ISM1: variants seen among roughly 807,000 people sequenced by gnomAD.
ISM1 encodes isthmin 1.
ISM1 carries 25 observed loss-of-function variants against 46.3 expected under a neutral mutation model. That is an observed-to-expected ratio of 0.54 (90% CI 0.39 to 0.75). The LOEUF (loss-of-function observed/expected upper bound fraction) is 0.75, where lower values mean the gene tolerates loss of function less well. Among genes scored for constraint, ISM1 ranks in the 30% least tolerant of loss-of-function variants. The pLI, the probability that ISM1 is intolerant of heterozygous loss-of-function variation, is 0.00. For missense variants in ISM1, 536 were observed against 625.4 expected, an observed-to-expected ratio of 0.86 and a Z score of 1.52; for synonymous variants, 255 against 256.7, an observed-to-expected ratio of 0.99 and a Z score of 0.06.
chr20:13,228,641 G>A (rs574789738), intron 1 of ISM1, among the ~76,000 whole-genome samples: 11 of 152,120 alleles, frequency 7.2e-5, no homozygotes, highest in African/African-American at 2.4e-4. Context: ...TTAGCTGTTA[G>A]TCCTGTTCAG....
chr20:13,263,772 G>A (rs1040798016), intron 1 of ISM1, among the ~76,000 whole-genome samples: 16 of 152,192 alleles, frequency 1.1e-4, no homozygotes, highest in Admixed American at 8.5e-4. Flanking sequence ...AAGCATTGTC[G>A]ATAATAATAT....
In ISM1 at chr20:13,285,158, G is replaced by A. The variant is rs529838380; in HGVS notation, c.644-3382G>A. On this transcript the variant is annotated intron_variant, in intron 3 of 5. Coordinates refer to ENST00000262487, the MANE Select transcript of ISM1 (RefSeq NM_080826.2). ...TTGAAAACTTTGGCCAGGCATGTTG[G>A]CACATGCCTGTAGTCCCAGCTACTC... Among the ~76,000 whole-genome samples, 114 of 152,230 alleles carry A rather than the reference G, an allele frequency of 7.5e-4. 2 individuals carry two copies. The highest frequency in any genetic ancestry group is 8.8e-5 in the Non-Finnish European group (6 of 68,020).
chr20:13,311,264 G>C, the ISM1 span, among the ~76,000 whole-genome samples: 1 of 123,304 alleles, frequency 8.1e-6, no homozygotes, highest in Non-Finnish European at 1.8e-5. Flanking sequence ...TAGATAGATA[G>C]ATAGATAGAT....
At chr20:13,310,746 T>C in the ISM1 span, among the ~76,000 whole-genome samples, 3 of 152,152 alleles carry the variant, frequency 2.0e-5, no homozygotes, top group Admixed American at 6.5e-5. Flanking sequence ...GATTAAAAAG[T>C]GAGCAAAGGA....
intron 5 of ISM1, among the ~76,000 whole-genome samples, chr20:13,293,022 C>T (rs901470482): frequency 6.6e-6 from 1 of 151,660 alleles, no homozygotes; most frequent in Non-Finnish European, 1.5e-5. Context: ...TGGTGAAACC[C>T]CCCCGTCTCT....
chr20:13,231,837 A>G (rs575430954), intron 1 of ISM1, among the ~76,000 whole-genome samples: 57 of 152,320 alleles, frequency 3.7e-4, no homozygotes, highest in Middle Eastern at 3.4e-3. Flanking sequence ...GAGTACCCCA[A>G]TCACCAAATA....
chr20:13,298,701 T>C (rs889973041), intron 5 of ISM1, among the ~76,000 whole-genome samples: 2 of 152,194 alleles, frequency 1.3e-5, no homozygotes, highest in African/African-American at 4.8e-5. Flanking sequence ...TTGGAGGAAG[T>C]CTTGTGAATA....
At chr20:13,276,915 C>G (rs1172013197) in intron 2 of ISM1, among the ~76,000 whole-genome samples, 1 of 152,130 alleles carries the variant, frequency 6.6e-6, no homozygotes, top group Non-Finnish European at 1.5e-5. Context: ...GAGGTTTTCA[C>G]TTTGTTAACT....
At chr20:13,308,074 A>AC in the ISM1 span, among the ~76,000 whole-genome samples, 11 of 151,802 alleles carry the variant, frequency 7.2e-5, no homozygotes, top group African/African-American at 9.7e-5. Flanking sequence ...TCTCAATTTC[A>AC]CCCCCTTCAC....
At chr20:13,310,332 G>A in the ISM1 span, among the ~76,000 whole-genome samples, 1 of 152,122 alleles carries the variant, frequency 6.6e-6, no homozygotes, top group Non-Finnish European at 1.5e-5. Flanking sequence ...GGAAAGGGTG[G>A]TCTCTTCAAT....
At chr20:13,264,172 G>C (rs2040019105) in intron 1 of ISM1, among the ~76,000 whole-genome samples, 1 of 152,162 alleles carries the variant, frequency 6.6e-6, no homozygotes, top group Non-Finnish European at 1.5e-5. Context: ...TGAAGACAGG[G>C]CCTGTTCTTT....
At chr20:13,285,585 A>T (rs538833138) in intron 3 of ISM1, among the ~76,000 whole-genome samples, 27 of 152,326 alleles carry the variant, frequency 1.8e-4, no homozygotes, top group Non-Finnish European at 2.6e-4. Flanking sequence ...GACGGAATGC[A>T]CGGGCACTTT....
At chr20:13,295,265 G>A (rs1393593674) in intron 5 of ISM1, among the ~76,000 whole-genome samples, 3 of 152,038 alleles carry the variant, frequency 2.0e-5, no homozygotes, top group Non-Finnish European at 4.4e-5. Context: ...CATCATTATC[G>A]GCTCTGAATT....
At chr20:13,228,433 T>C (rs2039552986) in intron 1 of ISM1, among the ~76,000 whole-genome samples, 1 of 152,214 alleles carries the variant, frequency 6.6e-6, no homozygotes. Context: ...AATTTGGCAG[T>C]TGGCTGTCTT....
At chr20:13,326,503 C>T in the ISM1 span, among the ~76,000 whole-genome samples, 1 of 151,060 alleles carries the variant, frequency 6.6e-6, no homozygotes, top group East Asian at 1.9e-4. Context: ...TACTCAGTTG[C>T]TACACATCCT....
intron 1 of ISM1, among the ~76,000 whole-genome samples, chr20:13,252,634 A>C (rs2039880139): frequency 1.3e-5 from 2 of 152,060 alleles, no homozygotes; most frequent in African/African-American, 2.4e-5. Flanking sequence ...GTGCACCTGT[A>C]GTCCCAGATA....
chr20:13,268,347 CCTCTCTCTCTCTCTCTCTCTCTCT>C (rs3041816), intron 1 of ISM1, among the ~76,000 whole-genome samples: 702 of 66,674 alleles, frequency 0.011, 17 homozygotes, highest in Middle Eastern at 0.038. Context: ...CCTTCTTCTT[CCTCTCTCTCTCTCTCTCTCTCTCT>C]CTCTCTCTCT....
At chr20:13,225,012 A>AT (rs532771229) in intron 1 of ISM1, among the ~76,000 whole-genome samples, 29,477 of 137,556 alleles carry the variant, frequency 0.21, 3,222 homozygotes, top group Middle Eastern at 0.29. Context: ...CGCCCGGCTA[A>AT]TTTTTTTTTT....
chr20:13,253,580 A>G (rs2039891032), intron 1 of ISM1, among the ~76,000 whole-genome samples: 1 of 152,102 alleles, frequency 6.6e-6, no homozygotes, highest in East Asian at 1.9e-4. Context: ...GCCTGCAGAG[A>G]ATCGCCAGGA....
Sources: gnomAD v4.1 joint callset for allele counts (sites outside exome capture counted in the v4.1 genomes callset) on GRCh38, gnomAD v4.1.1 for gene constraint, MANE v1.5 for transcripts, NCBI Gene and HGNC (gene_info 2026-07-23, HGNC 2026-07-21) for gene names.